The following QTMAN variants were observed in gnomAD, a reference collection of about 807,000 sequenced individuals.
The protein encoded by QTMAN is queuosine-tRNA mannosyltransferase.
At chr2:144,264,359 C>G in the QTMAN span, among the ~76,000 whole-genome samples, 1 of 152,168 alleles carries the variant, frequency 6.6e-6, no homozygotes, top group South Asian at 2.1e-4. Flanking sequence ...AAATCCTTCA[C>G]CATCTGGTTC....
the QTMAN span, among the ~76,000 whole-genome samples, chr2:144,192,657 C>A: frequency 4.3e-4 from 65 of 152,288 alleles, no homozygotes; most frequent in African/African-American, 1.3e-3. Context: ...TACATAAGAT[C>A]TCTTTGTAAG....
At chr2:144,161,118 C>G in the QTMAN span, among the ~76,000 whole-genome samples, 1 of 151,952 alleles carries the variant, frequency 6.6e-6, no homozygotes, top group African/African-American at 2.4e-5. Flanking sequence ...AATCGAGTAC[C>G]AGCCTGTCTA....
the QTMAN span, among the ~76,000 whole-genome samples, chr2:144,110,800 C>A: frequency 0.046 from 7,039 of 151,874 alleles, 286 homozygotes; most frequent in East Asian, 0.18. Context: ...TGTAAGGCAG[C>A]AGGAGTGATA....
At chr2:144,126,293 A>G in the QTMAN span, among the ~76,000 whole-genome samples, 13 of 151,998 alleles carry the variant, frequency 8.6e-5, no homozygotes, top group Admixed American at 3.9e-4. Context: ...CTTAAAAAAA[A>G]AAACAATAAC....
the QTMAN span, among the ~76,000 whole-genome samples, chr2:144,253,439 C>T: frequency 6.6e-6 from 1 of 152,156 alleles, no homozygotes; most frequent in Non-Finnish European, 1.5e-5. Flanking sequence ...CAGAAGAAGA[C>T]AGGAAAATGT....
chr2:144,039,985 T>C, the QTMAN span, among the ~76,000 whole-genome samples: 1 of 152,176 alleles, frequency 6.6e-6, no homozygotes, highest in Non-Finnish European at 1.5e-5. Flanking sequence ...CTTTAAGAAA[T>C]ATGTGTCACT....
chr2:144,014,988 T>C, the QTMAN span, among the ~76,000 whole-genome samples: 14 of 152,302 alleles, frequency 9.2e-5, no homozygotes, highest in South Asian at 2.9e-3. Flanking sequence ...CCATTCTCTT[T>C]TAATTTCAAA....
chr2:144,092,728 A>C, the QTMAN span, among the ~76,000 whole-genome samples: 2 of 152,194 alleles, frequency 1.3e-5, no homozygotes, highest in East Asian at 1.9e-4. Context: ...ACCAAAACCC[A>C]TATCTGCCAC....
At chr2:144,282,474 T>C in the QTMAN span, among the ~76,000 whole-genome samples, 1 of 151,520 alleles carries the variant, frequency 6.6e-6, no homozygotes, top group Non-Finnish European at 1.5e-5. Flanking sequence ...ATATCATTTA[T>C]ATGGGCTTTT....
the QTMAN span, among the ~76,000 whole-genome samples, chr2:144,085,157 T>C: frequency 2.7e-4 from 41 of 152,364 alleles, no homozygotes; most frequent in African/African-American, 9.6e-4. Flanking sequence ...GTATTGTAAC[T>C]ACTCAACTCT....
chr2:143,975,032 GCACCAC>G, the QTMAN span, among the ~76,000 whole-genome samples: 4,359 of 152,228 alleles, frequency 0.029, 173 homozygotes, highest in East Asian at 0.16. Context: ...TCATTCCTCT[GCACCAC>G]CACTATGGCA....
chr2:143,973,401 T>C, the QTMAN span, among the ~76,000 whole-genome samples: 1 of 152,180 alleles, frequency 6.6e-6, no homozygotes. Flanking sequence ...AATTAGTAAA[T>C]TACATATTAT....
chr2:144,243,901 T>C, the QTMAN span, among the ~76,000 whole-genome samples: 3 of 152,214 alleles, frequency 2.0e-5, no homozygotes, highest in Admixed American at 2.0e-4. Flanking sequence ...GACCATGCTA[T>C]ACAGATATTC....
At chr2:144,066,679 G>C in the QTMAN span, among the ~76,000 whole-genome samples, 4 of 152,200 alleles carry the variant, frequency 2.6e-5, no homozygotes, top group Non-Finnish European at 4.4e-5. Flanking sequence ...AGCCAGGTGT[G>C]GTGGCACATG....
At chr2:144,146,359 T>C in the QTMAN span, among the ~76,000 whole-genome samples, 1 of 151,152 alleles carries the variant, frequency 6.6e-6, no homozygotes, top group East Asian at 1.9e-4. Flanking sequence ...AGATGCATCA[T>C]CTGTAAAATC....
the QTMAN span, among the ~76,000 whole-genome samples, chr2:143,978,844 T>A: frequency 2.0e-5 from 3 of 152,208 alleles, no homozygotes; most frequent in South Asian, 4.1e-4. Context: ...TGACTAATCA[T>A]TTGGATTTAA....
At chr2:144,240,940 G>C in the QTMAN span, among the ~76,000 whole-genome samples, 1 of 152,140 alleles carries the variant, frequency 6.6e-6, no homozygotes, top group African/African-American at 2.4e-5. Flanking sequence ...TTCCTACCCT[G>C]GCTGCACGTT....
chr2:144,171,938 T>C, the QTMAN span, among the ~76,000 whole-genome samples: 1 of 152,176 alleles, frequency 6.6e-6, no homozygotes, highest in Non-Finnish European at 1.5e-5. Flanking sequence ...ATAGTTATTT[T>C]TGACACAAAA....
At chr2:144,136,451 A>AAAAGAAAG in the QTMAN span, among the ~76,000 whole-genome samples, 2 of 126,878 alleles carry the variant, frequency 1.6e-5, no homozygotes, top group Non-Finnish European at 3.5e-5. Context: ...AAAGGAAAGG[A>AAAAGAAAG]GAAAGGAGGA....
Sources: allele counts gnomAD v4.1 joint callset (sites outside exome capture counted in the v4.1 genomes callset), GRCh38; gene constraint gnomAD v4.1.1; transcripts MANE v1.5; gene names NCBI Gene and HGNC (gene_info 2026-07-23, HGNC 2026-07-21).